GIPC2: variants seen among roughly 807,000 people sequenced by gnomAD.
The protein encoded by GIPC2 is PDZ domain-containing protein GIPC2.
A neutral mutation model predicts 30.6 loss-of-function variants in GIPC2; 30 were observed. The observed-to-expected ratio is 0.98, with a 90% confidence interval of 0.73 to 1.33. The LOEUF is 1.33. Ranked by LOEUF, GIPC2 falls within the 40% of genes most tolerant of loss-of-function variation. The probability of loss-of-function intolerance (pLI) is 0.00; values close to 1 mark genes in which losing one functional copy is unlikely to be tolerated. For synonymous variants in GIPC2, 167 were observed against 150.0 expected (o/e 1.11, Z -0.83); for missense variants, 414 against 390.3 (o/e 1.06, Z -0.51).
At chr1:78,093,592 T>C (rs531470393) in intron 2 of GIPC2, among the ~76,000 whole-genome samples, 1 of 152,370 alleles carries the variant, frequency 6.6e-6, no homozygotes, top group South Asian at 2.1e-4. Flanking sequence ...TAAGTTATTC[T>C]TGTTCCTGAT....
intron 2 of GIPC2, among the ~76,000 whole-genome samples, chr1:78,083,685 T>C (rs74644283): frequency 1.3e-5 from 2 of 152,288 alleles, no homozygotes; most frequent in African/African-American, 4.8e-5. Flanking sequence ...AAGCTGCCCT[T>C]ATTTATTGTC....
chr1:78,067,461 C>T (rs551281240), intron 1 of GIPC2, among the ~76,000 whole-genome samples: 165 of 151,804 alleles, frequency 1.1e-3, no homozygotes, highest in Non-Finnish European at 1.5e-3. Flanking sequence ...TCTTTTCTTT[C>T]TTTTTTTTGA....
chr1:78,088,487 A>C (rs192444153), intron 2 of GIPC2, among the ~76,000 whole-genome samples: 22 of 152,332 alleles, frequency 1.4e-4, no homozygotes, highest in Non-Finnish European at 2.8e-4. Context: ...TCAGCAAACT[A>C]ATGCAGGAAG....
intron 3 of GIPC2, among the ~76,000 whole-genome samples, chr1:78,102,380 T>C (rs2100393664): frequency 6.6e-6 from 1 of 152,344 alleles, no homozygotes; most frequent in South Asian, 2.1e-4. Context: ...AGATAAACTG[T>C]GGCTTTTAAG....
At chr1:78,061,024 C>G (rs1481231666) in intron 1 of GIPC2, among the ~76,000 whole-genome samples, 1 of 152,030 alleles carries the variant, frequency 6.6e-6, no homozygotes, top group Non-Finnish European at 1.5e-5. Context: ...TCACTGTATC[C>G]TTGCAGTGTC....
rs533539989 is a variant in GIPC2, at chr1:78,129,763, G to T, written c.796+3801G>T. 7.9e-5 allele frequency among the ~76,000 whole-genome samples: 12 copies of T among 152,292 alleles called. No individual in the cohort carries two copies. In the Middle Eastern group the frequency reaches 0.01, roughly 130 times the overall value. On this transcript the variant is annotated intron_variant, in intron 5 of 5. Coordinates refer to ENST00000370759, the MANE Select transcript of GIPC2 (RefSeq NM_017655.6). ...TGGTCTTGACCTAACTCAGTGGAAA[G>T]TTGTGTCATACAAGTTTCTTCTTGA...
chr1:78,098,730 A>C (rs909646620), intron 3 of GIPC2, among the ~76,000 whole-genome samples: 2 of 151,668 alleles, frequency 1.3e-5, no homozygotes, highest in African/African-American at 4.9e-5. Context: ...AACTAGGTTA[A>C]AATGACATCA....
intron 4 of GIPC2, among the ~76,000 whole-genome samples, chr1:78,120,313 T>G (rs1190182392): frequency 1.3e-5 from 2 of 152,168 alleles, no homozygotes; most frequent in African/African-American, 4.8e-5. Context: ...ACACTCCAGG[T>G]GTATCCCCAT....
chr1:78,132,630 A>G (rs1430557300), intron 5 of GIPC2, among the ~76,000 whole-genome samples: 1 of 149,760 alleles, frequency 6.7e-6, no homozygotes, highest in African/African-American at 2.5e-5. Flanking sequence ...AAAATCATGT[A>G]CCAAGTTGTT....
chr1:78,045,822 T>C (rs1257019012), upstream of GIPC2: 1 of 1,219,844 alleles, frequency 8.2e-7, no homozygotes, highest in East Asian at 3.8e-5. Flanking sequence ...GAGCCATTTT[T>C]TACAAGGAGT....
At chr1:78,106,902 G>A (rs1040749419) in intron 3 of GIPC2, among the ~76,000 whole-genome samples, 16 of 151,826 alleles carry the variant, frequency 1.1e-4, no homozygotes, top group Admixed American at 3.9e-4. Context: ...TCTCGAACTC[G>A]CGACCTCAGG....
At chr1:78,125,833 CAA>C (rs1557551311) in intron 4 of GIPC2, 46 bp from the exon 5 acceptor site, 2 of 1,013,756 alleles carry the variant, frequency 2.0e-6, no homozygotes, top group Non-Finnish European at 3.1e-6. Context: ...CCCTGACAAT[CAA>C]GAGATTTTGT....
intron 2 of GIPC2, among the ~76,000 whole-genome samples, chr1:78,089,723 G>T (rs961145374): frequency 3.3e-5 from 5 of 152,068 alleles, no homozygotes; most frequent in Admixed American, 3.3e-4. Context: ...ACATTTCTAA[G>T]AACAAAAAGT....
intron 1 of GIPC2, among the ~76,000 whole-genome samples, chr1:78,067,958 T>G (rs1356654943): frequency 1.3e-5 from 2 of 152,200 alleles, no homozygotes; most frequent in Non-Finnish European, 2.9e-5. Flanking sequence ...ATGGATTATT[T>G]TATAGTAACT....
At chr1:78,100,473 T>G (rs890919171) in intron 3 of GIPC2, among the ~76,000 whole-genome samples, 1 of 152,206 alleles carries the variant, frequency 6.6e-6, no homozygotes, top group African/African-American at 2.4e-5. Flanking sequence ...CTGCAAATGA[T>G]GACCTCAGAT....
In GIPC2 at chr1:78,117,930, T is replaced by TTC. The variant is rs904178770; in HGVS notation, c.608-1451_608-1450dup. 8.6e-5 allele frequency among the ~76,000 whole-genome samples: 13 copies of TTC among 151,936 alleles called. No individual in the cohort carries two copies. In the South Asian group the frequency reaches 2.3e-3, roughly 27 times the overall value. On this transcript the variant is annotated intron_variant, in intron 3 of 5. Transcript: ENST00000370759. ...CTGAGTATCCTCTTTCTTTCCTTCT[T>TTC]TCTCTCTCTCTCTTTTCTTTTCTTT...
intron 3 of GIPC2, among the ~76,000 whole-genome samples, chr1:78,096,491 GTTTTT>G (rs200429118): frequency 7.4e-6 from 1 of 135,550 alleles, no homozygotes; most frequent in Non-Finnish European, 1.6e-5. Context: ...AAATTTTTCT[GTTTTT>G]TTTTTTTTTC....
chr1:78,057,201 C>G (rs1399846637), intron 1 of GIPC2, among the ~76,000 whole-genome samples: 1 of 152,172 alleles, frequency 6.6e-6, no homozygotes, highest in Non-Finnish European at 1.5e-5. Flanking sequence ...GGAATAGACT[C>G]CATCCCATTT....
intron 1 of GIPC2, among the ~76,000 whole-genome samples, chr1:78,070,871 G>A (rs1030008682): frequency 6.6e-6 from 1 of 152,140 alleles, no homozygotes; most frequent in Non-Finnish European, 1.5e-5. Flanking sequence ...AGCACAAAGA[G>A]TGATGATTCA....
Sources: gnomAD v4.1 joint callset for allele counts (sites outside exome capture counted in the v4.1 genomes callset) on GRCh38, gnomAD v4.1.1 for gene constraint, MANE v1.5 for transcripts, NCBI Gene and HGNC (gene_info 2026-07-23, HGNC 2026-07-21) for gene names.